The following SEMA3C variants were observed in gnomAD, a reference collection of about 807,000 sequenced individuals.
SEMA3C encodes semaphorin-3C.
In SEMA3C, 47 loss-of-function variants were observed where a neutral mutation model predicts 89.4. The ratio of observed to expected loss-of-function variants is 0.53; its 90% CI spans 0.42 to 0.67. The LOEUF (loss-of-function observed/expected upper bound fraction) is 0.67, where lower values mean the gene tolerates loss of function less well. Ranked by LOEUF, SEMA3C falls within the 30% of genes least tolerant of loss-of-function variation. The pLI, the probability that SEMA3C is intolerant of heterozygous loss-of-function variation, is 0.00. For synonymous variants in SEMA3C, 310 were observed against 320.2 expected (o/e 0.97, Z 0.34); for missense variants, 839 against 929.1 (o/e 0.90, Z 1.26).
intron 2 of SEMA3C, among the ~76,000 whole-genome samples, chr7:80,907,013 T>C (rs1368442068): frequency 6.6e-6 from 1 of 152,202 alleles, no homozygotes; most frequent in Admixed American, 6.5e-5. Flanking sequence ...GTACTTTAGA[T>C]ATCAAAATAG....
intron 5 of SEMA3C, among the ~76,000 whole-genome samples, chr7:80,810,992 A>T (rs1789454906): frequency 6.6e-6 from 1 of 152,214 alleles, no homozygotes; most frequent in Non-Finnish European, 1.5e-5. Context: ...AAAACCAAGT[A>T]TTATTATAAA....
chr7:80,919,980 G>T (rs777381350), upstream of SEMA3C, among the ~76,000 whole-genome samples: 11 of 152,100 alleles, frequency 7.2e-5, no homozygotes, highest in Non-Finnish European at 1.6e-4. Context: ...CAGTAATTCT[G>T]TTGACCCCTC....
rs1209938184 is a variant in SEMA3C, at chr7:80,797,939, G to A, written c.1131+153C>T. Among the ~76,000 whole-genome samples the A allele has an allele frequency of 2.0e-5, 3 of 152,140 alleles. No individual in the cohort carries two copies. In the East Asian group the frequency reaches 5.8e-4, roughly 30 times the overall value. On this transcript the variant is annotated intron_variant, in intron 11 of 17. Coordinates refer to ENST00000265361, the MANE Select transcript of SEMA3C (RefSeq NM_006379.5). ...CTTGAACCCGGGAGGCGGAGGGTGA[G>A]GTGAGCTGAGATTGCACCACTACAT...
chr7:80,842,941 A>T (rs971187326), intron 2 of SEMA3C, among the ~76,000 whole-genome samples: 3 of 152,192 alleles, frequency 2.0e-5, no homozygotes, highest in African/African-American at 7.2e-5. Context: ...GAATATGAAA[A>T]GAACAAAATT....
intron 2 of SEMA3C, among the ~76,000 whole-genome samples, chr7:80,876,610 G>T (rs1791209090): frequency 6.6e-6 from 1 of 152,162 alleles, no homozygotes; most frequent in Admixed American, 6.5e-5. Context: ...CCCAAATAAT[G>T]AGAATGTTAC....
intron 12 of SEMA3C, among the ~76,000 whole-genome samples, chr7:80,768,927 C>T (rs189224275): frequency 2.0e-5 from 3 of 152,244 alleles, no homozygotes; most frequent in Non-Finnish European, 4.4e-5. Flanking sequence ...GTTATATGAG[C>T]ATGTTATCAT....
intron 6 of SEMA3C, among the ~76,000 whole-genome samples, chr7:80,809,201 C>T (rs1335607391): frequency 3.3e-5 from 5 of 151,960 alleles, no homozygotes; most frequent in African/African-American, 4.8e-5. Context: ...CAATTAGGCC[C>T]GCTGCTTAAC....
chr7:80,908,269 G>C (rs1288751712), intron 2 of SEMA3C, among the ~76,000 whole-genome samples: 1 of 152,146 alleles, frequency 6.6e-6, no homozygotes, highest in East Asian at 1.9e-4. Context: ...TGTTACTGCT[G>C]TCTTAAAATC....
chr7:80,750,770 G>A (rs7807132), intron 16 of SEMA3C, among the ~76,000 whole-genome samples: 58,423 of 151,428 alleles, frequency 0.39, 11,807 homozygotes, highest in Non-Finnish European at 0.46. Context: ...GTATTTAACG[G>A]GTCTAGTTTC....
intron 2 of SEMA3C, among the ~76,000 whole-genome samples, chr7:80,831,274 A>C (rs564289921): frequency 3.3e-5 from 5 of 152,204 alleles, no homozygotes; most frequent in Admixed American, 6.5e-5. Flanking sequence ...AAGGGCCTTT[A>C]TCTCTCTGAA....
At chr7:80,780,157 A>G (rs1279181416) in intron 12 of SEMA3C, among the ~76,000 whole-genome samples, 1 of 152,230 alleles carries the variant, frequency 6.6e-6, no homozygotes, top group Non-Finnish European at 1.5e-5. Context: ...TTATACAGCA[A>G]TAGAAAACTA....
At chr7:80,853,805 C>T (rs1173135328) in intron 2 of SEMA3C, among the ~76,000 whole-genome samples, 1 of 151,974 alleles carries the variant, frequency 6.6e-6, no homozygotes, top group African/African-American at 2.4e-5. Context: ...AAGGATTAAT[C>T]CTTGAGACAA....
intron 2 of SEMA3C, among the ~76,000 whole-genome samples, chr7:80,834,213 T>C (rs559535558): frequency 9.2e-5 from 14 of 152,260 alleles, no homozygotes; most frequent in African/African-American, 3.4e-4. Context: ...AAAAAAATTA[T>C]GCATGTTTGT....
intron 2 of SEMA3C, among the ~76,000 whole-genome samples, chr7:80,836,051 G>A (rs146318767): frequency 2.0e-5 from 3 of 152,120 alleles, no homozygotes; most frequent in Non-Finnish European, 4.4e-5. Context: ...ACATGGGTCT[G>A]CATAGTATCA....
intron 2 of SEMA3C, among the ~76,000 whole-genome samples, chr7:80,832,011 T>C (rs1790018815): frequency 6.6e-6 from 1 of 152,190 alleles, no homozygotes; most frequent in Admixed American, 6.5e-5. Context: ...TTTAATTTTG[T>C]CATTAGAAGT....
rs143592116 is a variant in SEMA3C at position 80,900,788 on chromosome 7, CAAAT to C, written c.103+15887_103+15890del. On this transcript the variant is annotated intron_variant, in intron 2 of 17. Coordinates refer to ENST00000265361, the MANE Select transcript of SEMA3C (RefSeq NM_006379.5). ...CAGACTAAAAAGTAACTCTATATAA[CAAAT>C]GAATCACTTTCATGACTAGTTTATT... is the stretch of plus-strand genomic sequence containing the variant. Among the ~76,000 whole-genome samples the C allele has an allele frequency of 1.5e-3, 232 of 152,312 alleles. 3 individuals are homozygous for C. The East Asian group carries it at 0.041, about 27-fold the overall frequency.
chr7:80,789,150 A>C (rs1788873574), intron 12 of SEMA3C, among the ~76,000 whole-genome samples, 156 bp downstream of exon 12: 1 of 152,158 alleles, frequency 6.6e-6, no homozygotes, highest in African/African-American at 2.4e-5. Context: ...ACAGATGTGA[A>C]ACTGAGGCAA....
At chr7:80,870,688 A>G (rs1791035008) in intron 2 of SEMA3C, among the ~76,000 whole-genome samples, 1 of 152,238 alleles carries the variant, frequency 6.6e-6, no homozygotes, top group South Asian at 2.1e-4. Context: ...AAGGTCATGC[A>G]GCTTATATAA....
intron 2 of SEMA3C, among the ~76,000 whole-genome samples, chr7:80,845,041 G>GA (rs1244520925): frequency 2.0e-5 from 3 of 152,110 alleles, no homozygotes; most frequent in Non-Finnish European, 2.9e-5. Flanking sequence ...TCATCAGTGA[G>GA]AAACCGCTCT....
Sources: gnomAD v4.1 joint callset for allele counts (sites outside exome capture counted in the v4.1 genomes callset) on GRCh38, gnomAD v4.1.1 for gene constraint, MANE v1.5 for transcripts, NCBI Gene and HGNC (gene_info 2026-07-23, HGNC 2026-07-21) for gene names.